ARHGEF1: variants seen among roughly 807,000 people sequenced by gnomAD.
ARHGEF1 encodes Rho guanine nucleotide exchange factor 1.
Under a neutral mutation model 119.7 loss-of-function variants are expected in ARHGEF1, and 40 were observed. The ratio of observed to expected loss-of-function variants is 0.33; its 90% CI spans 0.26 to 0.44. The LOEUF (loss-of-function observed/expected upper bound fraction) is 0.44. Ranked by LOEUF, ARHGEF1 falls within the 20% of genes least tolerant of loss-of-function variation. ARHGEF1 has a pLI of 1.00. For synonymous variants in ARHGEF1, 494 were observed against 521.0 expected, an observed-to-expected ratio of 0.95 and a Z score of 0.71; for missense variants, 976 against 1,268.3, an observed-to-expected ratio of 0.77 and a Z score of 3.50.
intron 1 of ARHGEF1, among the ~76,000 whole-genome samples, chr19:41,884,139 G>A (rs553484759): frequency 1.3e-5 from 2 of 152,090 alleles, no homozygotes; most frequent in East Asian, 3.9e-4. Flanking sequence ...ATCTCCGATC[G>A]AACTCGGGAG....
In ARHGEF1 at chr19:41,894,470, C is replaced by A; in HGVS notation, c.764C>A (p.Ser255Ter). The change falls in exon 10 of 29, where the codon TCG becomes TAG. Residue 255 changes from serine (S) to a stop codon, truncating the protein, a stop_gained. Coordinates refer to ENST00000354532, the MANE Select transcript of ARHGEF1 (RefSeq NM_004706.4). LOFTEE classifies it high-confidence loss of function. ...FRKKVMGNRR[S>*]DEPAKTKKGL... ...TCACAGGTGATGGGGAACCGGCGGT[C>A]GGACGAGCCTGCCAAGACCAAGAAG... The A allele has an allele frequency of 6.4e-7, 1 of 1,566,018 alleles. No homozygotes were observed. Among genetic ancestry groups the A allele is most frequent in the Non-Finnish European group, 8.7e-7 (1 of 1,153,678 alleles).
chr19:41,884,249 C>T, intron 1 of ARHGEF1: 1 of 631,258 alleles, frequency 1.6e-6, no homozygotes, highest in East Asian at 2.8e-5. Context: ...CAGGCCAGAG[C>T]GGCCCTATCT....
downstream of ARHGEF1, chr19:41,908,532 T>G (rs1599670038): frequency 8.1e-7 from 1 of 1,231,098 alleles, no homozygotes; most frequent in South Asian, 4.1e-5. This position sits in a 1 kb window ranked among gnomAD's most constrained non-coding sequence, Gnocchi z 6.7. Flanking sequence ...GGCCAGAGGG[T>G]TGGGGTAGAA....
chr19:41,909,842 C>A, downstream of ARHGEF1: 1 of 1,584,950 alleles, frequency 6.3e-7, no homozygotes. This position sits in a 1 kb window ranked among gnomAD's most constrained non-coding sequence, Gnocchi z 5.2. Flanking sequence ...AGGTGGGATC[C>A]AGCCCCAAGC....
rs781949423 is a variant in ARHGEF1 at position 41,894,650 on chromosome 19, C to T, written c.866C>T (p.Ala289Val). ...GTTCCAGATTTTCGACACCTCAAAG[C>T]AGAGGTTGATGGTAATGTACCTGTA... ...PQVPDFRHLK[A>V]EVDAEKPGAT... The change falls in exon 11 of 29, where the codon GCA (alanine) becomes GTA (valine). Residue 289 changes from alanine (A) to valine (V), a missense_variant. Physicochemically the swap from Ala to Val is moderately conservative, Grantham distance 64. Transcript: ENST00000354532. The T allele has an allele frequency of 2.5e-6, 4 of 1,614,064 alleles. No homozygotes were observed. Among genetic ancestry groups the T allele is most frequent in the African/African-American group, 1.3e-5 (1 of 75,038 alleles).
chr19:41,889,857 C>G lies in ARHGEF1; in HGVS notation c.225+992C>G, dbSNP rs1555845901. ...CCCGACAACCACATGCACGGAGACT[C>G]TGGCCCTCTGAGCAAGGGAGTCCCC... On this transcript the variant is annotated intron_variant, in intron 4 of 28. Coordinates refer to ENST00000354532, the MANE Select transcript of ARHGEF1 (RefSeq NM_004706.4). This position sits in a 1 kb window ranked among gnomAD's most constrained non-coding sequence, Gnocchi z 4.0. 2.6e-5 allele frequency: 4 copies of G among 152,210 alleles called. No individual in the cohort carries two copies. The highest frequency in any genetic ancestry group is 9.7e-5 in the African/African-American group (4 of 41,444). The allele number at this position is 152,210 out of a possible 1,614,324, so 9.4% of individuals were successfully genotyped here.
At position 41,895,488 on chromosome 19, in the gene ARHGEF1, TGA is replaced by T. The variant is rs782567194; in HGVS notation, c.1015+6_1015+7del. 3 of 1,590,422 alleles carry T rather than the reference TGA, an allele frequency of 1.9e-6. No homozygotes were observed. Among genetic ancestry groups the T allele is most frequent in the Admixed American group, 1.7e-5 (1 of 59,152 alleles). On this transcript the variant is annotated splice_donor_region_variant and intron_variant, in intron 12 of 28. Coordinates refer to ENST00000354532, the MANE Select transcript of ARHGEF1 (RefSeq NM_004706.4). Reference sequence around the variant, plus strand: ...TGGACAGCCCAGACCGGGAACCAGGTGAGAGTTTCCTGGGCCAGGGCTCCATG... The same window carrying T: ...TGGACAGCCCAGACCGGGAACCAGGTGAGTTTCCTGGGCCAGGGCTCCATG...
chr19:41,897,827 C>T, intron 13 of ARHGEF1: 1 of 1,101,166 alleles, frequency 9.1e-7, no homozygotes, highest in Admixed American at 3.7e-5. Context: ...TGTCCCTGCC[C>T]TGGTCTCTCC....
At chr19:41,893,090 C>A in intron 7 of ARHGEF1, 184 bp from the exon 8 acceptor site, 1 of 1,010,482 alleles carries the variant, frequency 9.9e-7, no homozygotes, top group Non-Finnish European at 1.4e-6. Flanking sequence ...ACTTGGATCC[C>A]ATCCTCCTGG....
chr19:41,906,467 G>A lies in ARHGEF1; in HGVS notation c.2502G>A (p.Leu834=). The stretch of plus-strand genomic sequence containing the variant: ...CTTGCCCCTGGCCAGTGCTGTCCCT[G>A]AAGCAGCTTCTGTTTCCGGCGGAGG... ...AATALRKVLS[L]KQLLFPAEED... The change falls in exon 27 of 29, where the codon CTG becomes CTA. Residue 834 remains leucine, a synonymous_variant. Coordinates refer to ENST00000354532, the MANE Select transcript of ARHGEF1 (RefSeq NM_004706.4). The surrounding 1 kb of genome is among the most constrained non-coding windows in gnomAD (Gnocchi z 4.5). 6.4e-7 allele frequency: 1 copy of A among 1,573,652 alleles called. No homozygotes were observed. Among genetic ancestry groups the A allele is most frequent in the South Asian group, 1.2e-5 (1 of 84,750 alleles).
At chr19:41,891,388 T>C (rs1353293028) in intron 4 of ARHGEF1, among the ~76,000 whole-genome samples, 1 of 152,180 alleles carries the variant, frequency 6.6e-6, no homozygotes, top group Non-Finnish European at 1.5e-5. Flanking sequence ...GTTCAAGCAG[T>C]TCTCCCTGCC....
chr19:41,900,888 T>G (rs2074593471), intron 14 of ARHGEF1: 2 of 149,312 alleles, frequency 1.3e-5, no homozygotes, highest in Admixed American at 6.6e-5. Flanking sequence ...CCTCCCAGGT[T>G]CAAGCGATTG....
intron 13 of ARHGEF1, chr19:41,898,001 C>G: frequency 7.5e-7 from 1 of 1,326,954 alleles, no homozygotes; most frequent in Non-Finnish European, 9.6e-7. Flanking sequence ...CCGCCGCCGG[C>G]CTTCCCGGGG....
chr19:41,904,014 C>T lies in ARHGEF1; in HGVS notation c.1918-21C>T, dbSNP rs782316503. The stretch of plus-strand genomic sequence containing the variant: ...TCACCCCCTGCCAACCTGCACAAAC[C>T]ATCACCCCCTCCTGCCCCAGAACCT... On this transcript the variant is annotated intron_variant, in intron 20 of 28. Coordinates refer to ENST00000354532, the MANE Select transcript of ARHGEF1 (RefSeq NM_004706.4). This position sits in a 1 kb window ranked among gnomAD's most constrained non-coding sequence, Gnocchi z 8.4. 1.2e-6 allele frequency: 2 copies of T among 1,612,882 alleles called. No individual in the cohort carries two copies. Among genetic ancestry groups the T allele is most frequent in the East Asian group, 4.5e-5 (2 of 44,856 alleles).
Position 41,904,945 on chromosome 19 carries a change from G to A in ARHGEF1, c.2162-4G>A, listed in dbSNP as rs949165826. 1.5e-5 allele frequency: 25 copies of A among 1,613,288 alleles called. No homozygotes were observed. The highest frequency in any genetic ancestry group is 2.0e-5 in the Non-Finnish European group (23 of 1,179,358). On this transcript the variant is annotated splice_polypyrimidine_tract_variant and splice_region_variant and intron_variant, in intron 22 of 28. Coordinates refer to ENST00000354532, the MANE Select transcript of ARHGEF1 (RefSeq NM_004706.4). The surrounding 1 kb of genome is among the most constrained non-coding windows in gnomAD (Gnocchi z 8.4). ...CTGAGCCCCATCTCCCCCTCTCCCT[G>A]CAGATCACAAAGCCTTCTACGTCCT...
At chr19:41,900,128 G>A (rs1249325296) in intron 14 of ARHGEF1, among the ~76,000 whole-genome samples, 1 of 152,100 alleles carries the variant, frequency 6.6e-6, no homozygotes, top group African/African-American at 2.4e-5. Flanking sequence ...GAGGTCAGGA[G>A]TTCGAGACTA....
intron 14 of ARHGEF1, among the ~76,000 whole-genome samples, chr19:41,899,916 A>G (rs1183218317): frequency 2.2e-5 from 3 of 136,200 alleles, no homozygotes; most frequent in African/African-American, 1.1e-4. Context: ...TTCTAAGGAC[A>G]TGATAAAAAA....
At chr19:41,898,175 G>T in intron 13 of ARHGEF1, 19 of 1,412,496 alleles carry the variant, frequency 1.3e-5, no homozygotes, top group Non-Finnish European at 1.5e-5. Flanking sequence ...GGGAGGGATT[G>T]TTGTCAGAGT....
chr19:41,887,731 G>A (rs1261844413), intron 1 of ARHGEF1, among the ~76,000 whole-genome samples: 4 of 151,856 alleles, frequency 2.6e-5, no homozygotes, highest in Non-Finnish European at 4.4e-5. Context: ...CCAGGCCCCT[G>A]GTCCCTCCAA....
Sources: gnomAD v4.1 joint callset for allele counts (sites outside exome capture counted in the v4.1 genomes callset) on GRCh38, gnomAD v4.1.1 for gene constraint, Gnocchi (gnomAD v3.1) non-coding constraint, MANE v1.5 for transcripts, NCBI Gene and HGNC (gene_info 2026-07-23, HGNC 2026-07-21) for gene names.